Variants in ABCA13 observed in about 807,000 individuals in gnomAD.
ABCA13 encodes the protein ATP-binding cassette sub-family A member 13.
In ABCA13, 476 loss-of-function variants were observed where a neutral mutation model predicts 478.7. That is an observed-to-expected ratio of 0.99 (90% confidence interval 0.92 to 1.07). ABCA13 has a LOEUF of 1.07. Ranked by LOEUF, ABCA13 falls within the 50% of genes least tolerant of loss-of-function variation. The pLI is 0.00. For synonymous variants in ABCA13, 2,252 were observed against 2,158.9 expected, an observed-to-expected ratio of 1.04 and a Z score of -1.20; for missense variants, 6,060 against 5,910.6, an observed-to-expected ratio of 1.03 and a Z score of -0.83.
intron 2 of ABCA13, among the ~76,000 whole-genome samples, chr7:48,196,014 G>A (rs1405313560): frequency 5.9e-5 from 9 of 152,032 alleles, no homozygotes; most frequent in East Asian, 1.9e-4. Context: ...CAGGAGAAAC[G>A]GGCAAAACAG....
chr7:48,557,015 A>G (rs1456266761), intron 55 of ABCA13, among the ~76,000 whole-genome samples: 1 of 152,098 alleles, frequency 6.6e-6, no homozygotes, highest in Non-Finnish European at 1.5e-5. Context: ...ATAACCCACT[A>G]TTTTAAATTG....
chr7:48,309,848 A>C, intron 23 of ABCA13, 99 bp from the exon 24 acceptor site: 1 of 1,391,150 alleles, frequency 7.2e-7, no homozygotes, highest in African/African-American at 1.4e-5. Flanking sequence ...TGGGAAATCC[A>C]CTCTTGGGCG....
chr7:48,527,138 G>A (rs1195677620), intron 54 of ABCA13, among the ~76,000 whole-genome samples: 1 of 152,140 alleles, frequency 6.6e-6, no homozygotes. Context: ...GTGGTTTATA[G>A]CTAAGCCTAA....
In ABCA13 at chr7:48,479,092, T is replaced by C. The variant is rs1343811778; in HGVS notation, c.12976-1944T>C. ...CCTCCCAAGTAGCTGGGACTACAGG[T>C]GGCCGCCACTACGCCCGGCTAATTT... On this transcript the variant is annotated intron_variant, in intron 45 of 61. Coordinates refer to ENST00000435803, the MANE Select transcript of ABCA13 (RefSeq NM_152701.5). 1.5e-4 allele frequency among the ~76,000 whole-genome samples: 21 copies of C among 143,320 alleles called. No individual in the cohort carries two copies. The Admixed American group carries it at 1.5e-3, about 10-fold the overall frequency. The allele number at this position is 143,320 out of a possible 152,430, so 94.0% of individuals were successfully genotyped here. A position where few individuals can be genotyped will look rare whatever the true frequency, so the allele number is the denominator to read the frequency against.
Position 48,600,832 on chromosome 7 carries a change from C to A in ABCA13, c.14744+6019C>A, listed in dbSNP as rs555367484. Reference sequence around the variant, plus strand: ...CATATCCACAGTCTTAAATAGTAATCCATACAATTGTCATTTCTGACGCAT... The same window carrying A: ...CATATCCACAGTCTTAAATAGTAATACATACAATTGTCATTTCTGACGCAT... On this transcript the variant is annotated intron_variant, in intron 58 of 61. Transcript: ENST00000435803. Among the ~76,000 whole-genome samples, 3 of 152,184 alleles carry A rather than the reference C, an allele frequency of 2.0e-5. No individual in the cohort carries two copies. The South Asian group carries it at 6.2e-4, about 32-fold the overall frequency.
At chr7:48,477,898 A>C (rs552904878) in intron 45 of ABCA13, among the ~76,000 whole-genome samples, 11 of 152,114 alleles carry the variant, frequency 7.2e-5, no homozygotes, top group African/African-American at 2.2e-4. Context: ...AATAATAATA[A>C]AAAAAAGAAT....
intron 55 of ABCA13, among the ~76,000 whole-genome samples, chr7:48,548,045 T>G (rs1024324830): frequency 1.3e-5 from 2 of 151,928 alleles, no homozygotes; most frequent in Non-Finnish European, 2.9e-5. Context: ...CTTTTGTGTC[T>G]TTTCAAGAAC....
At chr7:48,323,455 T>C (rs544501328) in intron 27 of ABCA13, among the ~76,000 whole-genome samples, 13 of 152,368 alleles carry the variant, frequency 8.5e-5, no homozygotes, top group African/African-American at 2.9e-4. Flanking sequence ...GGCCTTAGCT[T>C]TGCAGATATG....
Position 48,372,157 on chromosome 7 carries a change from C to A in ABCA13, c.10804-11C>A, listed in dbSNP as rs199915686. 9 of 1,601,862 alleles carry A rather than the reference C, an allele frequency of 5.6e-6. No homozygotes were observed. The highest frequency in any genetic ancestry group is 6.8e-6 in the Non-Finnish European group (8 of 1,172,986). The stretch of plus-strand genomic sequence containing the variant: ...GCTGTGGTAACCTTGGGTTTTTTCT[C>A]TTTTTGGTAGTATATGCGGATGATG... On this transcript the variant is annotated splice_polypyrimidine_tract_variant and intron_variant, in intron 32 of 61. Coordinates refer to ENST00000435803, the MANE Select transcript of ABCA13 (RefSeq NM_152701.5).
chr7:48,281,966 G>A (rs1797116063), intron 19 of ABCA13, among the ~76,000 whole-genome samples: 1 of 152,152 alleles, frequency 6.6e-6, no homozygotes, highest in Admixed American at 6.5e-5. Flanking sequence ...GCAGTAACCT[G>A]AATTCCCTAC....
At position 48,374,360 on chromosome 7, in the gene ABCA13, CA is replaced by C. The variant is rs937079787; in HGVS notation, c.11149del (p.Thr3717ProfsTer34). On this transcript the variant is annotated frameshift_variant, in exon 34 of 62. Coordinates refer to ENST00000435803, the MANE Select transcript of ABCA13 (RefSeq NM_152701.5). LOFTEE classifies it high-confidence loss of function. ...ATCTGTGGGCAGTGCCTTCTTTCGA[CA>C]ACCGCCTTTGGACAAGGGGTATTTT... is the stretch of plus-strand genomic sequence containing the variant. ...VNQTFLCLLS[T>X]TAFGQGVFFI... The C allele has an allele frequency of 1.2e-6, 2 of 1,610,016 alleles. No homozygotes were observed. The highest frequency in any genetic ancestry group is 1.7e-6 in the Non-Finnish European group (2 of 1,178,458).
rs1164490878 is a variant in ABCA13 at position 48,245,267 on chromosome 7, G to A, written c.1391-245G>A. ...CTTTTCATTTTCTCAGGGAGGAGAG[G>A]GAAAAAGTGAGGGGGGATGTTACTT... is the stretch of plus-strand genomic sequence containing the variant. On this transcript the variant is annotated intron_variant, in intron 11 of 61. Coordinates refer to ENST00000435803, the MANE Select transcript of ABCA13 (RefSeq NM_152701.5). Among the ~76,000 whole-genome samples the A allele has an allele frequency of 2.0e-5, 3 of 152,074 alleles. No homozygotes were observed. The East Asian group carries it at 5.8e-4, about 29-fold the overall frequency.
chr7:48,254,825 T>C (rs1347680278), intron 15 of ABCA13, among the ~76,000 whole-genome samples: 1 of 152,214 alleles, frequency 6.6e-6, no homozygotes, highest in Non-Finnish European at 1.5e-5. Flanking sequence ...TTTCCTCAGC[T>C]GTCTGTGAAT....
In ABCA13 at chr7:48,274,347, ATTTAC is replaced by A; in HGVS notation, c.4686_4690del (p.Tyr1562Ter). The A allele has an allele frequency of 6.2e-7, 1 of 1,613,366 alleles. No homozygotes were observed. ...GGAATTTCAGAAGCTTGTAAAAGGT[ATTTAC>A]TTTAACATCCTGGAAAATAATTCCT... is the stretch of plus-strand genomic sequence containing the variant. On this transcript the variant is annotated frameshift_variant, in exon 17 of 62. Transcript: ENST00000435803. LOFTEE classifies it high-confidence loss of function.
At position 48,239,392 on chromosome 7, in the gene ABCA13, G is replaced by C; in HGVS notation, c.1049G>C (p.Arg350Pro). 6.2e-7 allele frequency: 1 copy of C among 1,612,988 alleles called. No individual in the cohort carries two copies. The highest frequency in any genetic ancestry group is 1.1e-5 in the South Asian group (1 of 90,904). Residue 350 changes from arginine (R) to proline (P), a missense_variant, in exon 9 of 62, where the codon CGA (arginine) becomes CCA (proline). By Grantham distance (103) the Arg-to-Pro change is moderately radical. Coordinates refer to ENST00000435803, the MANE Select transcript of ABCA13 (RefSeq NM_152701.5). ...NYLVHAVSWL[R>P]VYQQVFVQWQ... ...CTTGTCCATGCAGTCAGCTGGCTGCGAGTCTACCAACAGGTGCTGTCCCCT... is the reference window on the plus strand; with the variant it reads ...CTTGTCCATGCAGTCAGCTGGCTGCCAGTCTACCAACAGGTGCTGTCCCCT...
intron 48 of ABCA13, among the ~76,000 whole-genome samples, chr7:48,497,169 T>G (rs1024886015): frequency 3.9e-5 from 6 of 152,264 alleles, no homozygotes; most frequent in African/African-American, 1.4e-4. Context: ...AAGTTTTATT[T>G]TTTTCATCTC....
rs1471737659 is a variant in ABCA13 at position 48,410,983 on chromosome 7, CTTTCTT to C, written c.12228+308_12228+313del. 3.9e-3 allele frequency among the ~76,000 whole-genome samples: 232 copies of C among 59,850 alleles called. 3 individuals carry two copies. The highest frequency in any genetic ancestry group is 0.01 in the African/African-American group (163 of 15,838). The allele number at this position is 59,850 out of a possible 152,430, so 39.3% of individuals were successfully genotyped here. Reference sequence around the variant, plus strand: ...GTATTCTAGAAATTCTTTTCTCTTTCTTTCTTTCTTTCTTTCTTTCTTTCTTTCTTT... The same window carrying C: ...GTATTCTAGAAATTCTTTTCTCTTTCTCTTTCTTTCTTTCTTTCTTTCTTT... On this transcript the variant is annotated intron_variant, in intron 40 of 61. Coordinates refer to ENST00000435803, the MANE Select transcript of ABCA13 (RefSeq NM_152701.5).
intron 58 of ABCA13, among the ~76,000 whole-genome samples, chr7:48,604,656 C>G (rs990000705): frequency 6.6e-6 from 1 of 152,056 alleles, no homozygotes. Context: ...ATTATGTGGT[C>G]AATTTTAGAA....
intron 2 of ABCA13, 99 bp downstream of exon 2, chr7:48,193,151 A>C: frequency 2.5e-6 from 2 of 812,186 alleles, no homozygotes; most frequent in Non-Finnish European, 3.9e-6. Context: ...ATGCTGAGTG[A>C]AATGAATAGA....
Sources: gnomAD v4.1 joint callset for allele counts (sites outside exome capture counted in the v4.1 genomes callset) on GRCh38, gnomAD v4.1.1 for gene constraint, MANE v1.5 for transcripts, NCBI Gene and HGNC (gene_info 2026-07-23, HGNC 2026-07-21) for gene names.